The following ZFX variants were observed in gnomAD, a reference collection of about 807,000 sequenced individuals.
The protein encoded by ZFX is zinc finger protein X-linked, also known as zinc finger X-chromosomal protein.
For synonymous variants in ZFX, 196 were observed against 226.8 expected, an observed-to-expected ratio of 0.86 and a Z score of 1.22; for missense variants, 362 against 628.3, an observed-to-expected ratio of 0.58 and a Z score of 4.53.
intron 3 of ZFX, among the ~76,000 whole-genome samples, chrX:24,157,058 C>G (rs1285610545): frequency 8.9e-6 from 1 of 111,809 alleles, no homozygotes; most frequent in Non-Finnish European, 1.9e-5. Context: ...TTGTCATTTT[C>G]TGTGAAAACT....
chrX:24,150,267 C>G (rs1448042314), intron 1 of ZFX: 1 of 100,799 alleles, frequency 9.9e-6, no homozygotes, highest in African/African-American at 3.7e-5. Flanking sequence ...GAGGGGGAGC[C>G]GCCATCTTGG....
intron 4 of ZFX, among the ~76,000 whole-genome samples, chrX:24,175,686 C>T (rs1208171214): frequency 1.8e-5 from 2 of 111,328 alleles, no homozygotes; most frequent in East Asian, 5.6e-4. Context: ...TCAGGTGATT[C>T]TCCTGTCTCA....
In ZFX at chrX:24,209,048, C is replaced by T. The variant is rs757611052; in HGVS notation, c.1234+8C>T. 3.2e-5 allele frequency: 39 copies of T among 1,209,615 alleles called. 1 individual carries two copies. The South Asian group carries it at 6.0e-4, about 19-fold the overall frequency. ...CCAGGCAGTACCAAACAGGTGAGGGCGCACGAGTTCCATGGCGCAGCGTGC... is the reference window on the plus strand; with the variant it reads ...CCAGGCAGTACCAAACAGGTGAGGGTGCACGAGTTCCATGGCGCAGCGTGC... On this transcript the variant is annotated splice_region_variant and intron_variant, in intron 9 of 9. Transcript: ENST00000304543.
intron 1 of ZFX, among the ~76,000 whole-genome samples, chrX:24,151,068 G>A (rs927561396): frequency 8.9e-6 from 1 of 112,110 alleles, no homozygotes. Context: ...GCCTGTCATG[G>A]TATTTCGATT....
chrX:24,168,262 C>T (rs1318860225), intron 3 of ZFX, among the ~76,000 whole-genome samples: 1 of 112,281 alleles, frequency 8.9e-6, no homozygotes, highest in African/African-American at 3.2e-5. Context: ...AAATTTAGTT[C>T]TCTGAGTGTG....
At chrX:24,169,285 A>G (rs182372153) in intron 3 of ZFX, among the ~76,000 whole-genome samples, 88 of 111,904 alleles carry the variant, frequency 7.9e-4, no homozygotes, top group South Asian at 7.4e-4. Context: ...ATGTAAAAGG[A>G]TGGGAAGAAA....
At chrX:24,155,510 C>T (rs1338924736) in intron 3 of ZFX, among the ~76,000 whole-genome samples, 1 of 111,977 alleles carries the variant, frequency 8.9e-6, no homozygotes, top group African/African-American at 3.2e-5. Context: ...CTATGAACAT[C>T]CTTATACATG....
chrX:24,204,620 T>C (rs780702536), intron 5 of ZFX, among the ~76,000 whole-genome samples: 28 of 112,384 alleles, frequency 2.5e-4, no homozygotes, highest in African/African-American at 8.7e-4. Context: ...AAAGCATGTT[T>C]AGATAGTTAC....
At chrX:24,202,564 T>A (rs1262934955) in intron 5 of ZFX, among the ~76,000 whole-genome samples, 1 of 111,335 alleles carries the variant, frequency 9.0e-6, no homozygotes, top group African/African-American at 3.3e-5. Context: ...GGTTCCTGCA[T>A]CTTTTAACTC....
At chrX:24,158,367 A>C (rs969172178) in intron 3 of ZFX, among the ~76,000 whole-genome samples, 5 of 111,182 alleles carry the variant, frequency 4.5e-5, no homozygotes, top group Admixed American at 2.9e-4. Flanking sequence ...AAAACAAACC[A>C]AAAACAAAAA....
chrX:24,167,627 T>C (rs1934128888), intron 3 of ZFX, among the ~76,000 whole-genome samples: 1 of 112,329 alleles, frequency 8.9e-6, no homozygotes, highest in Admixed American at 9.5e-5. Context: ...AATTAAAATA[T>C]GAACTTTTAA....
intron 3 of ZFX, among the ~76,000 whole-genome samples, chrX:24,155,621 A>G (rs1168864933): frequency 2.7e-5 from 3 of 112,216 alleles, no homozygotes; most frequent in African/African-American, 9.7e-5. Flanking sequence ...CAAAATGGCA[A>G]ATTGTCTTCT....
At chrX:24,191,097 G>A (rs1356504429) in intron 5 of ZFX, among the ~76,000 whole-genome samples, 1 of 111,900 alleles carries the variant, frequency 8.9e-6, no homozygotes, top group Admixed American at 9.5e-5. Context: ...GGGTGGGATT[G>A]TAACAGTTAT....
chrX:24,170,839 T>G (rs775469465), intron 3 of ZFX, among the ~76,000 whole-genome samples: 55 of 111,201 alleles, frequency 4.9e-4, no homozygotes, highest in African/African-American at 1.6e-3. Context: ...CTCGAACGCC[T>G]GACCTCAGGT....
Position 24,210,557 on chromosome X carries a change from A to G in ZFX, c.1599A>G (p.Leu533=), listed in dbSNP as rs1222944872. ...AATACGAGACAGCTGAACAAGGGTT[A>G]TTGAATCGCCACCTCTTGGCAGTCC... ...FCEYETAEQG[L]LNRHLLAVHS... Residue 533 remains leucine, a synonymous_variant, in exon 10 of 10, where the codon TTA becomes TTG. Coordinates refer to ENST00000304543, the MANE Select transcript of ZFX (RefSeq NM_003410.4). The G allele has an allele frequency of 8.3e-7, 1 of 1,210,235 alleles. No homozygotes were observed. Among genetic ancestry groups the G allele is most frequent in the Non-Finnish European group, 1.1e-6 (1 of 895,382 alleles).
intron 5 of ZFX, among the ~76,000 whole-genome samples, chrX:24,195,715 A>G (rs889534750): frequency 1.5e-4 from 17 of 111,653 alleles, no homozygotes; most frequent in African/African-American, 5.2e-4. Flanking sequence ...CATGTTGGCC[A>G]GGCTGGTCTC....
intron 5 of ZFX, among the ~76,000 whole-genome samples, chrX:24,189,305 A>G (rs1238771936): frequency 8.9e-6 from 1 of 111,793 alleles, no homozygotes; most frequent in Non-Finnish European, 1.9e-5. Flanking sequence ...CTAGAAGAGG[A>G]GCAGATGGAC....
At chrX:24,157,221 T>C (rs1390372460) in intron 3 of ZFX, among the ~76,000 whole-genome samples, 1 of 112,532 alleles carries the variant, frequency 8.9e-6, no homozygotes, top group East Asian at 2.8e-4. Flanking sequence ...TGTTAGATAC[T>C]GTGTAATTTT....
intron 5 of ZFX, 110 bp downstream of exon 5, chrX:24,179,880 A>G (rs368242429): frequency 8.6e-5 from 60 of 696,770 alleles, no homozygotes; most frequent in African/African-American, 6.3e-4. Context: ...AGTAAATCTC[A>G]TAGACCTACC....
Sources: gnomAD v4.1 joint callset for allele counts (sites outside exome capture counted in the v4.1 genomes callset) on GRCh38, gnomAD v4.1.1 for gene constraint, MANE v1.5 for transcripts, NCBI Gene and HGNC (gene_info 2026-07-23, HGNC 2026-07-21) for gene names.